Variants in TLCD4 observed in about 807,000 individuals in gnomAD.
TLCD4 encodes TLC domain containing 4, also known as TLC domain-containing protein 4.
A neutral mutation model predicts 24.2 loss-of-function variants in TLCD4; 7 were observed. The observed-to-expected ratio is 0.29, with a 90% CI of 0.16 to 0.54. The LOEUF (loss-of-function observed/expected upper bound fraction) is 0.54, where lower values mean the gene tolerates loss of function less well. Among genes scored for constraint, TLCD4 ranks in the 20% least tolerant of loss-of-function variants. The pLI is 0.95. For missense variants in TLCD4, 259 were observed against 313.9 expected (o/e 0.82, Z 1.32); for synonymous variants, 103 against 106.4 (o/e 0.97, Z 0.20).
intron 1 of TLCD4, among the ~76,000 whole-genome samples, chr1:95,121,658 A>G (rs1481325519): frequency 6.6e-6 from 1 of 152,090 alleles, no homozygotes; most frequent in East Asian, 1.9e-4. Context: ...TTTGGTAGAG[A>G]CGGGGTTTCA....
intron 1 of TLCD4, among the ~76,000 whole-genome samples, chr1:95,136,278 A>G (rs939702603): frequency 2.0e-5 from 3 of 151,802 alleles, no homozygotes; most frequent in Admixed American, 2.0e-4. Flanking sequence ...TTGTTGTTAT[A>G]CTGTTGTCTT....
intron 1 of TLCD4, among the ~76,000 whole-genome samples, chr1:95,135,459 TG>T (rs149335925): frequency 0.018 from 2,631 of 150,318 alleles, 74 homozygotes; most frequent in African/African-American, 0.062. Flanking sequence ...TACAGTGGCA[TG>T]ATCTCAGCTT....
rs930243299 is a variant in TLCD4 at position 95,193,258 on chromosome 1, C to A, written c.*1390C>A. ...ACAGAAAAAAAAAGGTAATTTAATC[C>A]AAGTATTCTATCATCAAAATTATTG... is the stretch of plus-strand genomic sequence containing the variant. On this transcript the variant is annotated 3_prime_UTR_variant, in exon 7 of 7. Coordinates refer to ENST00000370203, the MANE Select transcript of TLCD4 (RefSeq NM_152487.3). 6.6e-6 allele frequency: 1 copy of A among 151,896 alleles called. No individual in the cohort carries two copies. Among genetic ancestry groups the A allele is most frequent in the Non-Finnish European group, 1.5e-5 (1 of 67,928 alleles). The allele number at this position is 151,896 out of a possible 1,614,324, so 9.4% of individuals were successfully genotyped here. A position where few individuals can be genotyped will look rare whatever the true frequency, so the allele number is the denominator to read the frequency against.
intron 1 of TLCD4, among the ~76,000 whole-genome samples, chr1:95,135,343 T>G (rs1677011831): frequency 6.6e-6 from 1 of 152,002 alleles, no homozygotes; most frequent in Admixed American, 6.6e-5. Context: ...ACTGCCCACT[T>G]GTGTCATTTT....
chr1:95,162,298 A>AT (rs1210136620), intron 5 of TLCD4, among the ~76,000 whole-genome samples: 2 of 150,842 alleles, frequency 1.3e-5, no homozygotes, highest in Admixed American at 1.3e-4. Context: ...TTTAAAGTCT[A>AT]TTTTATCAGA....
chr1:95,140,279 A>G (rs12074454), intron 1 of TLCD4, among the ~76,000 whole-genome samples: 19,434 of 152,166 alleles, frequency 0.13, 1,259 homozygotes, highest in Middle Eastern at 0.17. Flanking sequence ...GTTTATTTAC[A>G]CCAGCATCAC....
intron 3 of TLCD4, among the ~76,000 whole-genome samples, 151 bp from the exon 4 acceptor site, chr1:95,150,054 CATT>C (rs1052202791): frequency 1.3e-5 from 2 of 152,098 alleles, no homozygotes; most frequent in African/African-American, 4.8e-5. Flanking sequence ...GCTAAACTGT[CATT>C]GTGTGTTTTG....
chr1:95,165,034 G>C (rs1192874758), intron 5 of TLCD4: 1 of 152,228 alleles, frequency 6.6e-6, no homozygotes, highest in African/African-American at 2.4e-5. Flanking sequence ...CCAGGAGTTT[G>C]CTGTTCTGCT....
chr1:95,188,016 T>G (rs955021359), intron 6 of TLCD4, among the ~76,000 whole-genome samples: 2 of 152,150 alleles, frequency 1.3e-5, no homozygotes, highest in African/African-American at 4.8e-5. Flanking sequence ...GCCTGACCCT[T>G]GTTACTTTAT....
At chr1:95,132,165 A>G (rs1200775002) in intron 1 of TLCD4, among the ~76,000 whole-genome samples, 1 of 152,180 alleles carries the variant, frequency 6.6e-6, no homozygotes, top group African/African-American at 2.4e-5. Flanking sequence ...TATAAATTAT[A>G]CAGTCCCAGA....
chr1:95,137,857 C>G (rs958506359), intron 1 of TLCD4, among the ~76,000 whole-genome samples: 1 of 152,066 alleles, frequency 6.6e-6, no homozygotes, highest in African/African-American at 2.4e-5. Context: ...CCATCTCTGC[C>G]TCCTGAGTAG....
At chr1:95,132,379 C>T (rs1267430021) in intron 1 of TLCD4, among the ~76,000 whole-genome samples, 1 of 149,140 alleles carries the variant, frequency 6.7e-6, no homozygotes, top group Non-Finnish European at 1.5e-5. Context: ...ATCGCTTGAA[C>T]CCAGGTGGTG....
At chr1:95,098,922 GT>G in the TLCD4 span, among the ~76,000 whole-genome samples, 2 of 151,598 alleles carry the variant, frequency 1.3e-5, no homozygotes, top group African/African-American at 4.9e-5. Context: ...TTAGCCGGGT[GT>G]GGTGGCGCAT....
At chr1:95,163,565 TGGA>T (rs1349075509) in intron 5 of TLCD4, 7 of 152,364 alleles carry the variant, frequency 4.6e-5, no homozygotes, top group African/African-American at 1.7e-4. Flanking sequence ...TGCGTTACTT[TGGA>T]GGAGAATAGG....
chr1:95,189,576 C>T (rs1557700264), intron 6 of TLCD4, among the ~76,000 whole-genome samples: 2 of 152,204 alleles, frequency 1.3e-5, no homozygotes, highest in Admixed American at 1.3e-4. Context: ...TTCCGAAACT[C>T]TGGTAACCAC....
intron 5 of TLCD4, chr1:95,164,643 A>T (rs566280867): frequency 6.6e-6 from 1 of 152,244 alleles, no homozygotes; most frequent in East Asian, 1.9e-4. Flanking sequence ...CCACCTCTTG[A>T]TACTTTTAAA....
At chr1:95,118,083 A>T (rs897517352) in intron 1 of TLCD4, 4 of 152,360 alleles carry the variant, frequency 2.6e-5, no homozygotes, top group African/African-American at 9.7e-5. Flanking sequence ...AATCGGGCGC[A>T]TCAAGTGGGT....
At chr1:95,182,148 A>G (rs1678667843) in intron 6 of TLCD4, among the ~76,000 whole-genome samples, 1 of 152,328 alleles carries the variant, frequency 6.6e-6, no homozygotes, top group Non-Finnish European at 1.5e-5. Flanking sequence ...TTGAAAGTTC[A>G]GATTTTGTTG....
chr1:95,175,201 G>C (rs1016766498), intron 6 of TLCD4, among the ~76,000 whole-genome samples: 1 of 151,954 alleles, frequency 6.6e-6, no homozygotes, highest in Non-Finnish European at 1.5e-5. Flanking sequence ...CACTAATTTC[G>C]CTCTCCTGCA....
Sources: gnomAD v4.1 joint callset for allele counts (sites outside exome capture counted in the v4.1 genomes callset) on GRCh38, gnomAD v4.1.1 for gene constraint, MANE v1.5 for transcripts, NCBI Gene and HGNC (gene_info 2026-07-23, HGNC 2026-07-21) for gene names.